Variants in CNTLN observed in about 807,000 individuals in gnomAD.
CNTLN encodes the protein centlein, centrosomal protein.
A neutral mutation model predicts 180.0 loss-of-function variants in CNTLN; 212 were observed. The ratio of observed to expected loss-of-function variants is 1.18; its 90% CI spans 1.05 to 1.32. The LOEUF is 1.32. Among genes scored for constraint, CNTLN ranks in the 40% most tolerant of loss-of-function variants. CNTLN has a pLI of 0.00. For synonymous variants in CNTLN, 722 were observed against 563.1 expected, an observed-to-expected ratio of 1.28 and a Z score of -3.99; for missense variants, 2,095 against 1,610.9, an observed-to-expected ratio of 1.30 and a Z score of -5.14.
rs751833282 is a variant in CNTLN at position 17,135,103 on chromosome 9, C to T, written c.38C>T (p.Pro13Leu). 3.5e-5 allele frequency: 56 copies of T among 1,605,686 alleles called. No homozygotes were observed. In the Middle Eastern group the frequency reaches 7.2e-4, roughly 21 times the overall value. Reference protein sequence around the residue: ...ARSPPSPHPSPPARQLGPRSP... With the variant: ...ARSPPSPHPSLPARQLGPRSP... Reference sequence around the variant, plus strand: ...TCGCCTCCCTCACCGCACCCTTCGCCCCCAGCGCGACAGCTGGGCCCCAGG... The same window carrying T: ...TCGCCTCCCTCACCGCACCCTTCGCTCCCAGCGCGACAGCTGGGCCCCAGG... The change falls in exon 1 of 26, where the codon CCC (proline) becomes CTC (leucine). Residue 13 changes from proline to leucine, a missense_variant. Coordinates refer to ENST00000380647, the MANE Select transcript of CNTLN (RefSeq NM_017738.4).
chr9:17,366,661 C>G lies in CNTLN; in HGVS notation c.1931C>G (p.Ser644Cys), dbSNP rs2133439972. 1 of 1,586,310 alleles carries G rather than the reference C, an allele frequency of 6.3e-7. No homozygotes were observed. Among genetic ancestry groups the G allele is most frequent in the Non-Finnish European group, 8.6e-7 (1 of 1,161,608 alleles). The change falls in exon 13 of 26, where the codon TCT becomes TGT. Residue 644 changes from serine to cysteine, a missense_variant. Coordinates refer to ENST00000380647, the MANE Select transcript of CNTLN (RefSeq NM_017738.4). ...TTAGATGAACTTAAAGTACATATAT[C>G]TATTGATAAGGCAGCAATACAAGAA... ...EELDELKVHI[S>C]IDKAAIQELN...
chr9:17,148,622 A>G (rs998272139), intron 2 of CNTLN, among the ~76,000 whole-genome samples: 2 of 152,180 alleles, frequency 1.3e-5, no homozygotes, highest in Non-Finnish European at 2.9e-5. Flanking sequence ...TGAAGTCATC[A>G]AAAACAAGCA....
At chr9:17,296,005 T>C (rs1401369045) in intron 6 of CNTLN, among the ~76,000 whole-genome samples, 1 of 73,814 alleles carries the variant, frequency 1.4e-5, no homozygotes, top group Non-Finnish European at 2.6e-5. Context: ...AGAGTGTGTG[T>C]GTGTGTGTGT....
intron 23 of CNTLN, among the ~76,000 whole-genome samples, chr9:17,477,009 C>A (rs1832387409): frequency 6.6e-6 from 1 of 152,134 alleles, no homozygotes; most frequent in Non-Finnish European, 1.5e-5. Context: ...CAGCTGGGGA[C>A]TTTAAGTTGA....
At chr9:17,365,519 C>G (rs775613559) in intron 12 of CNTLN, among the ~76,000 whole-genome samples, 8 of 152,174 alleles carry the variant, frequency 5.3e-5, no homozygotes, top group Non-Finnish European at 7.3e-5. Flanking sequence ...TGGTTCTGGT[C>G]AAATACTCAC....
At chr9:17,387,237 T>C (rs575625519) in intron 13 of CNTLN, among the ~76,000 whole-genome samples, 99 of 152,298 alleles carry the variant, frequency 6.5e-4, no homozygotes, top group African/African-American at 2.3e-3. Context: ...AGTTTTACAC[T>C]GACCTACAGC....
chr9:17,238,431 G>A (rs1384651905), intron 5 of CNTLN, among the ~76,000 whole-genome samples: 1 of 152,142 alleles, frequency 6.6e-6, no homozygotes, highest in Non-Finnish European at 1.5e-5. Flanking sequence ...CTCCCATGAA[G>A]CATGGTCATA....
intron 6 of CNTLN, 127 bp downstream of exon 6, chr9:17,273,993 G>A: frequency 1.3e-6 from 1 of 742,820 alleles, no homozygotes; most frequent in Admixed American, 3.6e-5. Context: ...ATATGTTTGT[G>A]CATTGAGAAT....
intron 3 of CNTLN, among the ~76,000 whole-genome samples, chr9:17,226,771 C>T (rs548533288): frequency 1.3e-5 from 2 of 151,974 alleles, no homozygotes; most frequent in African/African-American, 4.8e-5. Flanking sequence ...GCTTATGGTT[C>T]TGCAGACAGT....
chr9:17,513,808 A>G, the CNTLN span, among the ~76,000 whole-genome samples: 7 of 152,204 alleles, frequency 4.6e-5, no homozygotes, highest in Non-Finnish European at 1.0e-4. Flanking sequence ...ACTGAAAAAA[A>G]GATATAACGA....
chr9:17,426,857 A>G (rs543184356), intron 18 of CNTLN, among the ~76,000 whole-genome samples: 2 of 152,052 alleles, frequency 1.3e-5, no homozygotes, highest in East Asian at 3.9e-4. Flanking sequence ...ATTCATCCAG[A>G]CTACACTACT....
intron 2 of CNTLN, among the ~76,000 whole-genome samples, chr9:17,165,582 A>G (rs1457129641): frequency 1.4e-5 from 2 of 146,204 alleles, no homozygotes; most frequent in East Asian, 4.3e-4. Context: ...AGTCTATATA[A>G]GGAGCATGTA....
chr9:17,439,530 C>T (rs1271843341), intron 18 of CNTLN, among the ~76,000 whole-genome samples: 1 of 152,022 alleles, frequency 6.6e-6, no homozygotes, highest in Non-Finnish European at 1.5e-5. Context: ...CAGATGGAAA[C>T]TTTTAGAATG....
At chr9:17,152,368 C>G (rs1245363675) in intron 2 of CNTLN, among the ~76,000 whole-genome samples, 1 of 152,108 alleles carries the variant, frequency 6.6e-6, no homozygotes, top group East Asian at 1.9e-4. Context: ...TCTCTTTGTT[C>G]TCATTGGTGT....
chr9:17,480,791 A>G (rs1425250852), intron 23 of CNTLN, among the ~76,000 whole-genome samples: 2 of 152,240 alleles, frequency 1.3e-5, no homozygotes, highest in African/African-American at 4.8e-5. Flanking sequence ...AAGTAAGTTC[A>G]TGAACTGTTT....
intron 2 of CNTLN, among the ~76,000 whole-genome samples, chr9:17,224,844 C>G (rs1008582308): frequency 2.0e-5 from 3 of 151,530 alleles, no homozygotes; most frequent in Non-Finnish European, 4.4e-5. Flanking sequence ...AGGATTGCAT[C>G]TTTTGACTTG....
chr9:17,490,337 A>T (rs1427337652), intron 25 of CNTLN, among the ~76,000 whole-genome samples: 1 of 152,066 alleles, frequency 6.6e-6, no homozygotes. Context: ...AGATAGCAGT[A>T]ATGAGATTAG....
chr9:17,495,820 A>G (rs1223209129), intron 25 of CNTLN, among the ~76,000 whole-genome samples: 7 of 152,092 alleles, frequency 4.6e-5, no homozygotes, highest in Admixed American at 1.3e-4. Context: ...ACCATTTTAT[A>G]AAGTCTTCTA....
chr9:17,236,367 C>G, intron 4 of CNTLN, 42 bp from the exon 5 acceptor site: 1 of 1,487,006 alleles, frequency 6.7e-7, no homozygotes, highest in Non-Finnish European at 8.9e-7. Flanking sequence ...TTTTTTGTTT[C>G]GTTTTGTTTT....
Sources: gnomAD v4.1 joint callset for allele counts (sites outside exome capture counted in the v4.1 genomes callset) on GRCh38, gnomAD v4.1.1 for gene constraint, MANE v1.5 for transcripts, NCBI Gene and HGNC (gene_info 2026-07-23, HGNC 2026-07-21) for gene names.